DAAM2: variants seen among roughly 807,000 people sequenced by gnomAD.
The protein encoded by DAAM2 is dishevelled associated activator of morphogenesis 2, also known as disheveled-associated activator of morphogenesis 2.
A neutral mutation model predicts 120.7 loss-of-function variants in DAAM2; 39 were observed. That is an observed-to-expected ratio of 0.32 (90% CI 0.25 to 0.42). DAAM2 has a LOEUF of 0.42. Ranked by LOEUF, DAAM2 falls within the 10% of genes least tolerant of loss-of-function variation. The pLI, the probability that DAAM2 is intolerant of heterozygous loss-of-function variation, is 1.00. For synonymous variants in DAAM2, 488 were observed against 524.9 expected (o/e 0.93, Z 0.96); for missense variants, 1,283 against 1,401.7 (o/e 0.92, Z 1.35).
intron 23 of DAAM2, among the ~76,000 whole-genome samples, chr6:39,900,513 A>G (rs951611575): frequency 9.9e-5 from 15 of 152,214 alleles, no homozygotes; most frequent in Non-Finnish European, 2.1e-4. Flanking sequence ...AGAGATGCTA[A>G]GTAACTTGCC....
At position 39,879,307 on chromosome 6, in the gene DAAM2, C is replaced by T. The variant is rs1582724338; in HGVS notation, c.1675C>T (p.Pro559Ser). ...FACCPPPPPPPLPPGGPPTPP... is the reference protein window; with the variant it reads ...FACCPPPPPPSLPPGGPPTPP... ...CTGTTGTCCCCCTCCCCCACCACCACCCCTTCCTCCCGGGGGACCCCCGAC... is the reference window on the plus strand; with the variant it reads ...CTGTTGTCCCCCTCCCCCACCACCATCCCTTCCTCCCGGGGGACCCCCGAC... The change falls in exon 14 of 25, where the codon CCC (proline) becomes TCC (serine). Residue 559 changes from proline to serine, a missense_variant. Transcript: ENST00000274867. 1 of 1,538,240 alleles carries T rather than the reference C, an allele frequency of 6.5e-7. No individual in the cohort carries two copies. Among genetic ancestry groups the T allele is most frequent in the East Asian group, 2.3e-5 (1 of 43,614 alleles).
intron 1 of DAAM2, among the ~76,000 whole-genome samples, chr6:39,842,222 C>T (rs540280434): frequency 5.6e-4 from 86 of 152,288 alleles, no homozygotes; most frequent in South Asian, 5.2e-3. Context: ...TGTTAGATGT[C>T]GTTCCTTTAG....
intron 3 of DAAM2, among the ~76,000 whole-genome samples, chr6:39,864,221 C>T (rs540956958): frequency 1.3e-5 from 2 of 152,266 alleles, no homozygotes; most frequent in Admixed American, 6.5e-5. Flanking sequence ...TTTCTGCCCG[C>T]GTCGTTGTCT....
At chr6:39,799,254 TGTG>T (rs1395021470) in intron 1 of DAAM2, among the ~76,000 whole-genome samples, 1 of 152,146 alleles carries the variant, frequency 6.6e-6, no homozygotes, top group Non-Finnish European at 1.5e-5. Flanking sequence ...TGTCAGCAGA[TGTG>T]GTGAAAAGTC....
intron 5 of DAAM2, among the ~76,000 whole-genome samples, chr6:39,866,621 C>A (rs2504790): frequency 0.69 from 104,344 of 152,148 alleles, 36,837 homozygotes; most frequent in African/African-American, 0.86. Context: ...AAAAGATAGG[C>A]ATAACAAATC....
intron 1 of DAAM2, among the ~76,000 whole-genome samples, chr6:39,837,774 A>G (rs1490209666): frequency 6.6e-6 from 1 of 152,112 alleles, no homozygotes; most frequent in Non-Finnish European, 1.5e-5. Context: ...CTTGAGCATG[A>G]AGGGGAAATT....
chr6:39,849,846 G>A (rs1425882238), intron 1 of DAAM2, among the ~76,000 whole-genome samples: 2 of 152,180 alleles, frequency 1.3e-5, no homozygotes, highest in Non-Finnish European at 2.9e-5. Flanking sequence ...AGATGGAAAA[G>A]CATAGATTCT....
At chr6:39,874,880 C>T (rs1304731251) in intron 10 of DAAM2, among the ~76,000 whole-genome samples, 1 of 152,140 alleles carries the variant, frequency 6.6e-6, no homozygotes, top group Non-Finnish European at 1.5e-5. Flanking sequence ...AATCAGTTTC[C>T]CTTCATCTTT....
chr6:39,832,910 G>T lies in DAAM2; in HGVS notation c.-56-23337G>T, dbSNP rs897290610. Among the ~76,000 whole-genome samples the T allele has an allele frequency of 2.0e-5, 3 of 152,192 alleles. No individual in the cohort carries two copies. The East Asian group carries it at 5.8e-4, about 30-fold the overall frequency. On this transcript the variant is annotated intron_variant, in intron 1 of 24. Coordinates refer to ENST00000274867, the MANE Select transcript of DAAM2 (RefSeq NM_001201427.2). Reference sequence around the variant, plus strand: ...AGCTTAGGTCTTCCTCAGGCTCCTGGCTCTGCCAGGACGTCCACCCACTCC... The same window carrying T: ...AGCTTAGGTCTTCCTCAGGCTCCTGTCTCTGCCAGGACGTCCACCCACTCC...
chr6:39,792,832 G>T (rs1761587166), intron 1 of DAAM2, among the ~76,000 whole-genome samples: 1 of 152,224 alleles, frequency 6.6e-6, no homozygotes, highest in African/African-American at 2.4e-5. Flanking sequence ...AAGATACCCC[G>T]CAAAACTGAC....
chr6:39,864,381 G>A (rs1448866684), intron 3 of DAAM2, 52 bp from the exon 4 acceptor site: 2 of 1,433,294 alleles, frequency 1.4e-6, no homozygotes, highest in Admixed American at 3.5e-5. Context: ...AGGATCTCAG[G>A]CCACGGGCCT....
chr6:39,904,429 G>GGTT lies in DAAM2; in HGVS notation c.*2396_*2398dup, dbSNP rs1562074934. The stretch of plus-strand genomic sequence containing the variant: ...GGGGTGGCTGAGCTGGTCCTTAATA[G>GGTT]GTTGTTTCTTGGTCTTGCTTTCTTC... On this transcript the variant is annotated 3_prime_UTR_variant, in exon 25 of 25. Coordinates refer to ENST00000274867, the MANE Select transcript of DAAM2 (RefSeq NM_001201427.2). 1 of 454,958 alleles carries GGTT rather than the reference G, an allele frequency of 2.2e-6. No homozygotes were observed. The highest frequency in any genetic ancestry group is 2.3e-5 in the Admixed American group (1 of 42,582). 28.2% of individuals were successfully genotyped at this position (454,958 alleles called of 1,614,324 possible).
At position 39,858,282 on chromosome 6, in the gene DAAM2, C is replaced by T. The variant is rs566965058; in HGVS notation, c.168+1812C>T. Among the ~76,000 whole-genome samples the T allele has an allele frequency of 2.8e-4, 43 of 152,334 alleles. 1 individual carries two copies. The highest frequency in any genetic ancestry group is 5.2e-4 in the Admixed American group (8 of 15,304). ...CTTTTCTAAAAGACCACGCAAGGTG[C>T]TCTGCTAAAGAAGGGTTCTGGGTTG... On this transcript the variant is annotated intron_variant, in intron 2 of 24. Transcript: ENST00000274867.
At chr6:39,806,856 GA>G (rs1000355833) in intron 1 of DAAM2, among the ~76,000 whole-genome samples, 5 of 28,762 alleles carry the variant, frequency 1.7e-4, no homozygotes, top group Non-Finnish European at 3.3e-4. Flanking sequence ...AAAAAAAAAA[GA>G]AAAGAAAAAA....
intron 17 of DAAM2, among the ~76,000 whole-genome samples, chr6:39,890,363 G>A (rs1425551610): frequency 3.3e-5 from 5 of 152,134 alleles, no homozygotes; most frequent in East Asian, 3.9e-4. Flanking sequence ...TAAATTCCCC[G>A]AACTGTGAAC....
intron 5 of DAAM2, 64 bp from the exon 6 acceptor site, chr6:39,867,446 C>A (rs1764475941): frequency 1.3e-6 from 2 of 1,521,850 alleles, no homozygotes; most frequent in Non-Finnish European, 9.0e-7. Flanking sequence ...AAGGGGGTAA[C>A]TATTTGCAAA....
intron 20 of DAAM2, 38 bp from the exon 21 acceptor site, chr6:39,897,137 C>T: frequency 6.4e-7 from 1 of 1,564,050 alleles, no homozygotes; most frequent in Non-Finnish European, 8.8e-7. Flanking sequence ...TGCCCAGTTT[C>T]CTCTGTCACT....
At position 39,861,036 on chromosome 6, in the gene DAAM2, C is replaced by A; in HGVS notation, c.258+19C>A. ...GAAGAAGGTGCCCTCTCTGACCCCTCTGGCCACATCTCAGGGTTCATGGCA... is the reference window on the plus strand; with the variant it reads ...GAAGAAGGTGCCCTCTCTGACCCCTATGGCCACATCTCAGGGTTCATGGCA... On this transcript the variant is annotated intron_variant, in intron 3 of 24. Coordinates refer to ENST00000274867, the MANE Select transcript of DAAM2 (RefSeq NM_001201427.2). 1 of 1,587,058 alleles carries A rather than the reference C, an allele frequency of 6.3e-7. No homozygotes were observed. Among genetic ancestry groups the A allele is most frequent in the Admixed American group, 1.7e-5 (1 of 57,716 alleles).
chr6:39,900,381 A>C (rs574603126), intron 23 of DAAM2, among the ~76,000 whole-genome samples, 173 bp downstream of exon 23: 1 of 152,328 alleles, frequency 6.6e-6, no homozygotes, highest in Admixed American at 6.5e-5. Flanking sequence ...CATACCGCAA[A>C]GATCATGGTC....
Sources: allele counts gnomAD v4.1 joint callset (sites outside exome capture counted in the v4.1 genomes callset), GRCh38; gene constraint gnomAD v4.1.1; transcripts MANE v1.5; gene names NCBI Gene and HGNC (gene_info 2026-07-23, HGNC 2026-07-21).